Variants in TRPM1 observed in about 807,000 individuals in gnomAD.
TRPM1 encodes transient receptor potential cation channel subfamily M member 1, also known as TRPM1-203 APA Isoform, Intron 10.
A neutral mutation model predicts 149.4 loss-of-function variants in TRPM1; 113 were observed. That is an observed-to-expected ratio of 0.76 (90% confidence interval 0.65 to 0.88). The LOEUF is 0.88. TRPM1 is among the 40% of genes least tolerant of loss of function. TRPM1 has a pLI of 0.00. For missense variants in TRPM1, 1,976 were observed against 2,038.7 expected (o/e 0.97, Z 0.59); for synonymous variants, 741 against 759.5 (o/e 0.98, Z 0.40).
chr15:31,132,650 G>T (rs74010800), intron 1 of TRPM1, among the ~76,000 whole-genome samples: 97 of 152,314 alleles, frequency 6.4e-4, no homozygotes, highest in Middle Eastern at 3.4e-3. Context: ...AGCATCACTA[G>T]TTCCCGACAG....
At position 31,038,110 on chromosome 15, in the gene TRPM1, A is replaced by C; in HGVS notation, c.2373T>G (p.Tyr791Ter). ...PTILFLEFRT[Y>*]DDFSYQTSKE... ...TGGATGTTTGATACGAGAAATCATC[A>C]TATGTGCGAAATTCCAAAAACAAGA... Residue 791 changes from tyrosine to a stop codon, truncating the protein, a stop_gained, in exon 19 of 28, where the codon TAT (tyrosine) becomes TAG (stop). Transcript: ENST00000256552. LOFTEE classifies it high-confidence loss of function. The C allele has an allele frequency of 6.2e-7, 1 of 1,613,814 alleles. No homozygotes were observed. Among genetic ancestry groups the C allele is most frequent in the Non-Finnish European group, 8.5e-7 (1 of 1,179,820 alleles).
chr15:31,096,167 A>G (rs552152354), intron 1 of TRPM1, among the ~76,000 whole-genome samples: 3 of 152,028 alleles, frequency 2.0e-5, no homozygotes, highest in Non-Finnish European at 4.4e-5. Context: ...AGGGAGGGAA[A>G]AAGAGAGAAA....
At chr15:31,139,841 A>G (rs547685841) in intron 1 of TRPM1, among the ~76,000 whole-genome samples, 1 of 152,354 alleles carries the variant, frequency 6.6e-6, no homozygotes, top group South Asian at 2.1e-4. Context: ...GTTAAGAATG[A>G]GTAAATTATG....
At chr15:31,024,960 GAGGGAACCGAGGCC>G (rs2032671812) in intron 27 of TRPM1, among the ~76,000 whole-genome samples, 1 of 152,180 alleles carries the variant, frequency 6.6e-6, no homozygotes, top group Admixed American at 6.5e-5. Flanking sequence ...CTGGGTCTAG[GAGGGAACCGAGGCC>G]AGGGACCCAC....
chr15:31,026,354 T>G (rs2032754455), intron 26 of TRPM1, 83 bp from the exon 27 acceptor site: 7 of 1,536,852 alleles, frequency 4.6e-6, no homozygotes, highest in Non-Finnish European at 6.2e-6. Context: ...ACAGCCCCAC[T>G]TTAATTAAGC....
At position 31,124,240 on chromosome 15, in the gene TRPM1, G is replaced by A. The variant is rs376256003; in HGVS notation, c.54+36666C>T. Reference sequence around the variant, plus strand: ...GCAGAGGTTGCAGTGAGCCGAGATCGCGCCATCGTGCTCTAGCAGGGATGA... The same window carrying A: ...GCAGAGGTTGCAGTGAGCCGAGATCACGCCATCGTGCTCTAGCAGGGATGA... On this transcript the variant is annotated intron_variant, in intron 1 of 26. Transcript: ENST00000542188. Among the ~76,000 whole-genome samples, 34 of 151,990 alleles carry A rather than the reference G, an allele frequency of 2.2e-4. No individual in the cohort carries two copies. The South Asian group carries it at 5.0e-3, about 22-fold the overall frequency.
chr15:31,026,318 A>T, intron 26 of TRPM1, 47 bp from the exon 27 acceptor site: 1 of 1,601,904 alleles, frequency 6.2e-7, no homozygotes, highest in South Asian at 1.1e-5. Context: ...AAGAAGAATC[A>T]GTTTCGTGGC....
chr15:31,121,204 G>T (rs1263055414), intron 1 of TRPM1, among the ~76,000 whole-genome samples: 1 of 122,340 alleles, frequency 8.2e-6, no homozygotes, highest in Admixed American at 1.0e-4. Context: ...TGACCTGGGC[G>T]CAGAGCAAGA....
chr15:31,144,711 G>GT (rs1567078292), intron 1 of TRPM1, among the ~76,000 whole-genome samples: 1,498 of 142,912 alleles, frequency 0.01, 46 homozygotes, highest in African/African-American at 0.037. Context: ...TTGTTTTTGA[G>GT]ATTTTTTTTT....
intron 27 of TRPM1, among the ~76,000 whole-genome samples, chr15:31,024,033 A>T (rs913402538): frequency 2.0e-5 from 3 of 152,176 alleles, no homozygotes; most frequent in Admixed American, 6.5e-5. Flanking sequence ...CTGTGTGAAC[A>T]CGCCTGTAAA....
intron 1 of TRPM1, among the ~76,000 whole-genome samples, chr15:31,157,571 AGAATCT>A (rs1207186790): frequency 6.6e-6 from 1 of 152,164 alleles, no homozygotes; most frequent in African/African-American, 2.4e-5. Flanking sequence ...AGTGCAAGGC[AGAATCT>A]CATTTTTCTT....
intron 27 of TRPM1, among the ~76,000 whole-genome samples, chr15:31,013,323 A>AAT (rs1471710830): frequency 6.6e-6 from 1 of 151,992 alleles, no homozygotes; most frequent in East Asian, 1.9e-4. Flanking sequence ...TTTTTTTAAA[A>AAT]ATATATATAA....
At chr15:31,058,054 G>T (rs1394462809) in intron 11 of TRPM1, among the ~76,000 whole-genome samples, 1 of 152,062 alleles carries the variant, frequency 6.6e-6, no homozygotes, top group Non-Finnish European at 1.5e-5. Flanking sequence ...TCAGAAGACT[G>T]CTATTCTTTA....
At chr15:31,161,052 GAGCCACACACTCGGCGGC>G (rs1326452909) in exon 1 of TRPM1, 2 of 1,286,546 alleles carry the variant, frequency 1.6e-6, no homozygotes, top group Non-Finnish European at 1.1e-6. Flanking sequence ...GGCAGGAGCG[GAGCCACACACTCGGCGGC>G]AGCCCCACAC....
chr15:31,026,239 G>A lies in TRPM1; in HGVS notation c.3529C>T (p.Leu1177=), dbSNP rs2032743261. Residue 1177 remains leucine (L), a synonymous_variant, in exon 27 of 28, where the codon CTG becomes TTG. Transcript: ENST00000256552. ...LFLSDEELKR[L]HEFEEQCVQE... is the part of the protein sequence containing the mutation. ...ACGCACTGCTCCTCGAACTCATGCA[G>A]CCTCTTTAGCTCCTCGTCGCTAAGG... The A allele has an allele frequency of 6.2e-7, 1 of 1,612,152 alleles. No homozygotes were observed. Among genetic ancestry groups the A allele is most frequent in the Non-Finnish European group, 8.5e-7 (1 of 1,180,024 alleles).
At chr15:31,148,206 C>A (rs2036247531) in intron 1 of TRPM1, among the ~76,000 whole-genome samples, 1 of 152,188 alleles carries the variant, frequency 6.6e-6, no homozygotes, top group Non-Finnish European at 1.5e-5. Context: ...AACCAAGAGA[C>A]AACTTTTCTG....
intron 5 of TRPM1, 73 bp downstream of exon 5, chr15:31,067,806 G>A (rs1445619928): frequency 6.9e-7 from 1 of 1,445,506 alleles, no homozygotes; most frequent in Non-Finnish European, 9.7e-7. Flanking sequence ...TTAGTTATTA[G>A]GAAGCTCTTT....
rs1204606743 is a variant in TRPM1, at chr15:31,047,880, T to C, written c.1623+9A>G. On this transcript the variant is annotated intron_variant, in intron 14 of 27. Transcript: ENST00000256552. The stretch of plus-strand genomic sequence containing the variant: ...CCAACAGGTAAGAATTGTAAAACAG[T>C]AGACTGACCTTTTTCACATCCCTCA... 1.2e-6 allele frequency: 2 copies of C among 1,610,270 alleles called. No individual in the cohort carries two copies. The highest frequency in any genetic ancestry group is 1.7e-6 in the Non-Finnish European group (2 of 1,176,424).
intron 1 of TRPM1, among the ~76,000 whole-genome samples, chr15:31,095,430 A>G (rs912926875): frequency 5.3e-5 from 8 of 152,190 alleles, no homozygotes; most frequent in African/African-American, 1.9e-4. Context: ...CATGTCTGTA[A>G]TCCCAGCACT....
Sources: allele counts gnomAD v4.1 joint callset (sites outside exome capture counted in the v4.1 genomes callset), GRCh38; gene constraint gnomAD v4.1.1; transcripts MANE v1.5; gene names NCBI Gene and HGNC (gene_info 2026-07-23, HGNC 2026-07-21).